HPSE2: variants seen among roughly 807,000 people sequenced by gnomAD.
HPSE2 encodes the protein heparanase 2 (inactive).
Under a neutral mutation model 60.5 loss-of-function variants are expected in HPSE2, and 38 were observed. The ratio of observed to expected loss-of-function variants is 0.63; its 90% confidence interval spans 0.48 to 0.82. The LOEUF is 0.82. Ranked by LOEUF, HPSE2 falls within the 40% of genes least tolerant of loss-of-function variation. HPSE2 has a pLI of 0.00. For synonymous variants in HPSE2, 295 were observed against 293.2 expected, an observed-to-expected ratio of 1.01 and a Z score of -0.06; for missense variants, 713 against 740.4, an observed-to-expected ratio of 0.96 and a Z score of 0.43.
intron 3 of HPSE2, among the ~76,000 whole-genome samples, chr10:98,855,900 G>A (rs1952302605): frequency 6.6e-6 from 1 of 152,158 alleles, no homozygotes; most frequent in Non-Finnish European, 1.5e-5. Flanking sequence ...GGATGTTACA[G>A]GAACATTGAG....
chr10:99,058,732 CTTT>C (rs1958168970), intron 3 of HPSE2, among the ~76,000 whole-genome samples: 1 of 152,010 alleles, frequency 6.6e-6, no homozygotes, highest in African/African-American at 2.4e-5. Context: ...TTTGATTTTT[CTTT>C]TTTTCACAAA....
At chr10:98,992,474 T>C (rs976608964) in intron 3 of HPSE2, among the ~76,000 whole-genome samples, 1 of 152,148 alleles carries the variant, frequency 6.6e-6, no homozygotes, top group Non-Finnish European at 1.5e-5. Flanking sequence ...GCTGAGGCCA[T>C]GAGGGTTTGA....
intron 9 of HPSE2, among the ~76,000 whole-genome samples, chr10:98,549,752 T>C (rs1386758898): frequency 2.0e-5 from 3 of 152,188 alleles, no homozygotes; most frequent in Non-Finnish European, 4.4e-5. Context: ...TGACCAACAA[T>C]TTCCTCCTTC....
Position 99,159,835 on chromosome 10 carries a change from T to C in HPSE2, c.449-15436A>G, listed in dbSNP as rs149680219. Among the ~76,000 whole-genome samples, 628 of 152,258 alleles carry C rather than the reference T, an allele frequency of 4.1e-3. 6 individuals are homozygous for C. The highest frequency in any genetic ancestry group is 0.014 in the African/African-American group (602 of 41,558). ...TCGAACTTCATCAAGAGTAAAAGTGTTCGCTCTTTAAAAGATACTATTAGG... is the reference window on the plus strand; with the variant it reads ...TCGAACTTCATCAAGAGTAAAAGTGCTCGCTCTTTAAAAGATACTATTAGG... On this transcript the variant is annotated intron_variant, in intron 2 of 11. Coordinates refer to ENST00000370552, the MANE Select transcript of HPSE2 (RefSeq NM_021828.5).
At chr10:98,678,877 G>A (rs1487232097) in intron 6 of HPSE2, among the ~76,000 whole-genome samples, 9 of 152,010 alleles carry the variant, frequency 5.9e-5, no homozygotes, top group African/African-American at 2.2e-4. Context: ...TTTAAGTACA[G>A]GCATTTACTA....
intron 4 of HPSE2, among the ~76,000 whole-genome samples, chr10:98,737,790 G>T (rs1244718793): frequency 6.6e-6 from 1 of 152,046 alleles, no homozygotes; most frequent in Non-Finnish European, 1.5e-5. Flanking sequence ...ACTTCTTCCA[G>T]GAGAACTACA....
chr10:99,002,976 CCTAT>C lies in HPSE2; in HGVS notation c.610+141258_610+141261del, dbSNP rs144481926. On this transcript the variant is annotated intron_variant, in intron 3 of 11. Coordinates refer to ENST00000370552, the MANE Select transcript of HPSE2 (RefSeq NM_021828.5). ...CAATAGATCCTTTGTACATATGTCT[CCTAT>C]CTAACTGAAATTTTGTATTCTTTGA... Among the ~76,000 whole-genome samples, 1,228 of 152,054 alleles carry C rather than the reference CCTAT, an allele frequency of 8.1e-3. 14 individuals are homozygous for C. Among genetic ancestry groups the C allele is most frequent in the African/African-American group, 0.027 (1,140 of 41,502 alleles).
chr10:99,086,130 A>G (rs1158187500), intron 3 of HPSE2, among the ~76,000 whole-genome samples: 2 of 152,096 alleles, frequency 1.3e-5, no homozygotes, highest in Non-Finnish European at 2.9e-5. Context: ...ACCATACTCT[A>G]TCTTCTATAT....
intron 9 of HPSE2, among the ~76,000 whole-genome samples, chr10:98,552,416 G>A (rs1252615704): frequency 1.3e-5 from 2 of 152,050 alleles, no homozygotes; most frequent in Non-Finnish European, 2.9e-5. Flanking sequence ...CTACATAAGT[G>A]GCAGAGAAAT....
intron 3 of HPSE2, among the ~76,000 whole-genome samples, chr10:99,134,434 T>C (rs1845564746): frequency 6.6e-6 from 1 of 152,036 alleles, no homozygotes; most frequent in South Asian, 2.1e-4. Flanking sequence ...TTCACCAAGG[T>C]TGAAATGCAG....
chr10:98,560,424 T>C (rs1944138365), intron 9 of HPSE2, among the ~76,000 whole-genome samples: 1 of 152,252 alleles, frequency 6.6e-6, no homozygotes, highest in African/African-American at 2.4e-5. Context: ...AGTACATGTC[T>C]CTGCCCTGAG....
rs148226977 is a variant in HPSE2 at position 98,713,441 on chromosome 10, TTC to T, written c.956+8214_956+8215del. On this transcript the variant is annotated intron_variant, in intron 5 of 11. Transcript: ENST00000370552. ...GTTCTCTGAATCCTCCAAATTGTAATTCTTTTTTTTAACGTTTCCTTTACTGC... is the reference window on the plus strand; with the variant it reads ...GTTCTCTGAATCCTCCAAATTGTAATTTTTTTTTAACGTTTCCTTTACTGC... Among the ~76,000 whole-genome samples, 538 of 151,924 alleles carry T rather than the reference TTC, an allele frequency of 3.5e-3. 5 individuals are homozygous for T. The highest frequency in any genetic ancestry group is 0.012 in the African/African-American group (515 of 41,490).
intron 2 of HPSE2, among the ~76,000 whole-genome samples, chr10:99,221,814 G>A (rs975666156): frequency 2.0e-4 from 30 of 152,216 alleles, no homozygotes; most frequent in African/African-American, 7.0e-4. Context: ...GAAGAAGCTG[G>A]CCAAGGAGTG....
At chr10:99,092,213 G>GA (rs1337632422) in intron 3 of HPSE2, among the ~76,000 whole-genome samples, 1 of 152,106 alleles carries the variant, frequency 6.6e-6, no homozygotes, top group Non-Finnish European at 1.5e-5. Context: ...GCATAACCAT[G>GA]CAACCTCTTC....
chr10:98,530,524 T>C (rs909585062), intron 9 of HPSE2, among the ~76,000 whole-genome samples: 2 of 152,334 alleles, frequency 1.3e-5, no homozygotes, highest in South Asian at 2.1e-4. Flanking sequence ...ACAAGGGATC[T>C]TGAGGCAAGT....
At chr10:99,240,257 A>C (rs528996412), upstream of HPSE2, among the ~76,000 whole-genome samples, 25 of 152,228 alleles carry the variant, frequency 1.6e-4, no homozygotes, top group African/African-American at 6.0e-4. Context: ...CATCTCAGAC[A>C]AGTGGAAATA....
At chr10:99,315,173 G>A in the HPSE2 span, among the ~76,000 whole-genome samples, 2 of 152,172 alleles carry the variant, frequency 1.3e-5, no homozygotes, top group South Asian at 4.1e-4. Flanking sequence ...TCAGGCAGCA[G>A]GTCAAATACC....
intron 2 of HPSE2, 124 bp downstream of exon 2, chr10:99,232,224 C>T (rs879816351): frequency 0.12 from 82,577 of 679,518 alleles, 3,048 homozygotes; most frequent in Non-Finnish European, 0.14. Context: ...TACACACACA[C>T]ACACACACAC....
chr10:99,303,057 C>T, the HPSE2 span, among the ~76,000 whole-genome samples: 11 of 152,092 alleles, frequency 7.2e-5, no homozygotes, highest in African/African-American at 2.4e-4. Flanking sequence ...TAAAAGTCTG[C>T]AGAGTGATAA....
Sources: gnomAD v4.1 joint callset for allele counts (sites outside exome capture counted in the v4.1 genomes callset) on GRCh38, gnomAD v4.1.1 for gene constraint, MANE v1.5 for transcripts, NCBI Gene and HGNC (gene_info 2026-07-23, HGNC 2026-07-21) for gene names.